The following BAZ2A variants were observed in gnomAD, a reference collection of about 807,000 sequenced individuals.
The protein encoded by BAZ2A is bromodomain adjacent to zinc finger domain protein 2A.
In BAZ2A, 34 loss-of-function variants were observed where a neutral mutation model predicts 199.9. The ratio of observed to expected loss-of-function variants is 0.17; its 90% confidence interval spans 0.13 to 0.23. The LOEUF is 0.23. Ranked by LOEUF, BAZ2A falls within the 10% of genes least tolerant of loss-of-function variation. BAZ2A has a pLI of 1.00. For synonymous variants in BAZ2A, 857 were observed against 883.9 expected (o/e 0.97, Z 0.54); for missense variants, 2,002 against 2,391.1 (o/e 0.84, Z 3.39).
At chr12:56,607,441 G>A (rs552489829) in intron 10 of BAZ2A, among the ~76,000 whole-genome samples, 2 of 152,058 alleles carry the variant, frequency 1.3e-5, no homozygotes, top group East Asian at 3.9e-4. Context: ...GCACAATCTC[G>A]GCTCACTGCA....
At chr12:56,636,524 A>AG (rs1226433357), upstream of BAZ2A, 3 of 425,386 alleles carry the variant, frequency 7.1e-6, no homozygotes, top group Non-Finnish European at 1.1e-5. Flanking sequence ...AGGCCGGCAA[A>AG]GGGGGAAGGA....
chr12:56,604,717 A>G lies in BAZ2A; in HGVS notation c.2831T>C (p.Met944Thr), dbSNP rs1215198245. The change falls in exon 15 of 29, where the codon ATG (methionine) becomes ACG (threonine). Residue 944 changes from methionine to threonine, a missense_variant. Coordinates refer to ENST00000549884, the MANE Select transcript of BAZ2A (RefSeq NM_001300905.2). ...NVSEILRCFL[M>T]AYGVEPALCD... ...GAGGGCTGGCTCTACTCCATATGCC[A>G]TAAGGAAGCAGCGCAGGATCTCTGA... 1.9e-6 allele frequency: 3 copies of G among 1,613,872 alleles called. No individual in the cohort carries two copies. Among genetic ancestry groups the G allele is most frequent in the Non-Finnish European group, 1.7e-6 (2 of 1,179,848 alleles).
In BAZ2A at chr12:56,615,436, C is replaced by T. The variant is rs763046690; in HGVS notation, c.308G>A (p.Ser103Asn). 4 of 1,612,874 alleles carry T rather than the reference C, an allele frequency of 2.5e-6. No individual in the cohort carries two copies. The South Asian group carries it at 3.3e-5, about 13-fold the overall frequency. The change falls in exon 3 of 29, where the codon AGC (serine) becomes AAC (asparagine). Residue 103 changes from serine (S) to asparagine (N), a missense_variant. Ser to Asn is a conservative substitution (Grantham distance 46). Coordinates refer to ENST00000549884, the MANE Select transcript of BAZ2A (RefSeq NM_001300905.2). ...YSQYPSANPG[S>N]NLKDPPLLSQ... Reference sequence around the variant, plus strand: ...GAGAAGGGGTGGGTCCTTGAGGTTGCTGCCAGGATTGGCAGATGGGTACTG... The same window carrying T: ...GAGAAGGGGTGGGTCCTTGAGGTTGTTGCCAGGATTGGCAGATGGGTACTG...
chr12:56,602,607 G>A (rs1221301068), intron 19 of BAZ2A, 106 bp downstream of exon 19: 16 of 1,416,928 alleles, frequency 1.1e-5, no homozygotes, highest in African/African-American at 1.4e-5. Context: ...TAACCATTAC[G>A]CTATATTATC....
rs774094443 is a variant in BAZ2A, at chr12:56,602,863, TA to T, written c.3280-7del. On this transcript the variant is annotated splice_polypyrimidine_tract_variant and splice_region_variant and intron_variant, in intron 18 of 28. Coordinates refer to ENST00000549884, the MANE Select transcript of BAZ2A (RefSeq NM_001300905.2). Reference sequence around the variant, plus strand: ...TTGCGAAAGAAAAGCTGACGCTGGGTAGACAATGAAAATGAAGATGAATAAA... The same window carrying T: ...TTGCGAAAGAAAAGCTGACGCTGGGTGACAATGAAAATGAAGATGAATAAA... 101 of 1,605,906 alleles carry T rather than the reference TA, an allele frequency of 6.3e-5. No individual in the cohort carries two copies. Among genetic ancestry groups the T allele is most frequent in the Admixed American group, 2.4e-4 (14 of 59,006 alleles).
intron 18 of BAZ2A, among the ~76,000 whole-genome samples, chr12:56,603,076 G>C (rs183298210): frequency 7.9e-5 from 12 of 152,304 alleles, no homozygotes; most frequent in African/African-American, 2.9e-4. Context: ...TAGAGCCCAG[G>C]AGTTCAGAAC....
At chr12:56,635,036 G>C (rs1279545749), upstream of BAZ2A, 3 of 984,878 alleles carry the variant, frequency 3.0e-6, no homozygotes, top group Non-Finnish European at 3.6e-6. This position sits in a 1 kb window ranked among gnomAD's most constrained non-coding sequence, Gnocchi z 4.1. Flanking sequence ...CCCCAGCCCT[G>C]GGCCGGCGGC....
chr12:56,638,065 T>A, upstream of BAZ2A: 4 of 363,314 alleles, frequency 1.1e-5, no homozygotes, highest in South Asian at 4.7e-5. Context: ...AGCCCAGGAG[T>A]TAGAGACCAG....
chr12:56,605,246 G>A lies in BAZ2A; in HGVS notation c.2575C>T (p.Leu859=). 6.2e-7 allele frequency: 1 copy of A among 1,613,852 alleles called. No homozygotes were observed. The highest frequency in any genetic ancestry group is 8.5e-7 in the Non-Finnish European group (1 of 1,179,858). The part of the protein sequence containing the change: ...FSDCLTIVEF[L]HSFGKVLGFD... Reference sequence around the variant, plus strand: ...CCCAGCACCTTGCCAAAGCTATGCAGGAACTCCACAATGGTCAAGCAGTCT... The same window carrying A: ...CCCAGCACCTTGCCAAAGCTATGCAAGAACTCCACAATGGTCAAGCAGTCT... Residue 859 remains leucine (L), a synonymous_variant, in exon 14 of 29, where the codon CTG becomes TTG. Transcript: ENST00000549884.
In BAZ2A at chr12:56,602,006, TTAAGA is replaced by T; in HGVS notation, c.3606_3610del (p.His1202GlnfsTer19). On this transcript the variant is annotated frameshift_variant, in exon 20 of 29. Coordinates refer to ENST00000549884, the MANE Select transcript of BAZ2A (RefSeq NM_001300905.2). LOFTEE classifies it high-confidence loss of function. ...TGAATCCTGACCCCTGACAGGGGACTTAAGATGCCTAGGTTGCATAGACCCGGGCT... is the reference window on the plus strand; with the variant it reads ...TGAATCCTGACCCCTGACAGGGGACTTGCCTAGGTTGCATAGACCCGGGCT... The T allele has an allele frequency of 6.4e-7, 1 of 1,554,950 alleles. No homozygotes were observed. The highest frequency in any genetic ancestry group is 8.7e-7 in the Non-Finnish European group (1 of 1,148,644).
intron 1 of BAZ2A, among the ~76,000 whole-genome samples, chr12:56,628,889 T>C (rs959036714): frequency 9.2e-5 from 14 of 152,272 alleles, no homozygotes; most frequent in Non-Finnish European, 1.9e-4. Context: ...CGCTGGTAGA[T>C]AACTGAGTTT....
At chr12:56,610,546 C>T in intron 7 of BAZ2A, 29 bp from the exon 8 acceptor site, 4 of 1,588,272 alleles carry the variant, frequency 2.5e-6, no homozygotes, top group Non-Finnish European at 3.4e-6. Flanking sequence ...GGCCCTGCCG[C>T]CAGGTCACAC....
rs759905448 is a variant in BAZ2A, at chr12:56,612,084, G to A, written c.1298C>T (p.Pro433Leu). 1 of 1,613,816 alleles carries A rather than the reference G, an allele frequency of 6.2e-7. No individual in the cohort carries two copies. Among genetic ancestry groups the A allele is most frequent in the Admixed American group, 1.7e-5 (1 of 59,974 alleles). The change falls in exon 6 of 29, where the codon CCA becomes CTA. Residue 433 changes from proline (P) to leucine (L), a missense_variant. Pro to Leu is a moderately conservative substitution (Grantham distance 98). This residue lies in a region of BAZ2A where 641 missense variants were observed against 694.5 expected (regional missense o/e 0.92). Transcript: ENST00000549884. The stretch of plus-strand genomic sequence containing the variant: ...TGGAGAAACCACTAGGGAGACTGCT[G>A]GGGAGGTTGTTGGCGAGACTGCTGG... ...TSPAVSPTTS[P>L]AVSLVVSPAA...
At position 56,598,600 on chromosome 12, in the gene BAZ2A, C is replaced by G; in HGVS notation, c.*18G>C. On this transcript the variant is annotated 3_prime_UTR_variant, in exon 29 of 29. Transcript: ENST00000549884. ...GGTGGGGGGAGATGCCACAAGGTGA[C>G]TCCCCACCTCCCTTGCCTCACAGAT... 1 of 1,610,478 alleles carries G rather than the reference C, an allele frequency of 6.2e-7. No individual in the cohort carries two copies. Among genetic ancestry groups the G allele is most frequent in the Non-Finnish European group, 8.5e-7 (1 of 1,178,722 alleles).
In BAZ2A at chr12:56,595,898, G is replaced by T. The variant is rs1028530514; in HGVS notation, c.*2720C>A. ...ACGCCGTCTCCCCCTCAGGTGTGTA[G>T]AAGGGAAGATGAATACACAGAGTCT... On this transcript the variant is annotated 3_prime_UTR_variant, in exon 29 of 29. Coordinates refer to ENST00000549884, the MANE Select transcript of BAZ2A (RefSeq NM_001300905.2). 1.3e-4 allele frequency: 14 copies of T among 110,436 alleles called. No homozygotes were observed. The highest frequency in any genetic ancestry group is 4.5e-4 in the African/African-American group (14 of 31,298). 6.8% of individuals were successfully genotyped at this position (110,436 alleles called of 1,614,324 possible).
At position 56,604,242 on chromosome 12, in the gene BAZ2A, A is replaced by C. The variant is rs758684151; in HGVS notation, c.3013T>G (p.Trp1005Gly). 6.2e-7 allele frequency: 1 copy of C among 1,607,992 alleles called. No individual in the cohort carries two copies. Among genetic ancestry groups the C allele is most frequent in the Non-Finnish European group, 8.5e-7 (1 of 1,177,138 alleles). ...CTCCGGAGCCGGCCTTCAACAATCCACTTGTTTTTCCTGTAGCTGGACATA... is the reference window on the plus strand; with the variant it reads ...CTCCGGAGCCGGCCTTCAACAATCCCCTTGTTTTTCCTGTAGCTGGACATA... ...ESMSSYRKNK[W>G]IVEGRLRRLK... The change falls in exon 16 of 29, where the codon TGG becomes GGG. Residue 1005 changes from tryptophan (W) to glycine (G), a missense_variant. Physicochemically the swap from Trp to Gly is radical, Grantham distance 184. This residue lies in a region of BAZ2A where 1,081 missense variants were observed against 1,274.7 expected (regional missense o/e 0.85). Coordinates refer to ENST00000549884, the MANE Select transcript of BAZ2A (RefSeq NM_001300905.2).
In BAZ2A at chr12:56,600,249, G is replaced by T. The variant is rs745341597; in HGVS notation, c.4844C>A (p.Ala1615Asp). Residue 1615 changes from alanine to aspartate, a missense_variant, in exon 24 of 29, where the codon GCC becomes GAC. Ala to Asp is a moderately radical substitution (Grantham distance 126). Coordinates refer to ENST00000549884, the MANE Select transcript of BAZ2A (RefSeq NM_001300905.2). ...GGCACCATTAGGTGTGCTAAGCAGGGCCTTCTCCAGCACAACCTCATGAGT... is the reference window on the plus strand; with the variant it reads ...GGCACCATTAGGTGTGCTAAGCAGGTCCTTCTCCAGCACAACCTCATGAGT... ...WPTHEVVLEKALLSTPNGAPE... is the reference protein window; with the variant it reads ...WPTHEVVLEKDLLSTPNGAPE... 2.5e-6 allele frequency: 4 copies of T among 1,613,946 alleles called. 1 individual carries two copies. In the South Asian group the frequency reaches 4.4e-5, roughly 18 times the overall value.
chr12:56,635,159 T>C, upstream of BAZ2A: 1 of 494,004 alleles, frequency 2.0e-6, no homozygotes, highest in Non-Finnish European at 2.6e-6. This position sits in a 1 kb window ranked among gnomAD's most constrained non-coding sequence, Gnocchi z 4.1. Flanking sequence ...GGGTGGCGTC[T>C]CCTAGGGGCC....
In BAZ2A at chr12:56,601,704, C is replaced by T. The variant is rs368501623; in HGVS notation, c.3913G>A (p.Glu1305Lys). 2 of 1,613,994 alleles carry T rather than the reference C, an allele frequency of 1.2e-6. No individual in the cohort carries two copies. Among genetic ancestry groups the T allele is most frequent in the Non-Finnish European group, 1.7e-6 (2 of 1,179,882 alleles). Reference sequence around the variant, plus strand: ...GATTCTGCCTCATCAGGCTCTGGCTCCTCCGGGGGTTGTGATGGAGCTGGG... The same window carrying T: ...GATTCTGCCTCATCAGGCTCTGGCTTCTCCGGGGGTTGTGATGGAGCTGGG... ...LDPAPSQPPEEPEPDEAESSP... is the reference protein window; with the variant it reads ...LDPAPSQPPEKPEPDEAESSP... Residue 1305 changes from glutamate to lysine, a missense_variant, in exon 20 of 29, where the codon GAG (glutamate) becomes AAG (lysine). By Grantham distance (56) the Glu-to-Lys change is moderately conservative. Around this residue, in one of 6 missense-constraint regions of BAZ2A, gnomAD observed 1,081 missense variants for 1,274.7 expected, o/e 0.85. Transcript: ENST00000549884.
Sources: allele counts gnomAD v4.1 joint callset (sites outside exome capture counted in the v4.1 genomes callset), GRCh38; gene constraint gnomAD v4.1.1; regional missense constraint gnomAD v4.1.1; non-coding constraint Gnocchi (gnomAD v3.1); transcripts MANE v1.5; gene names NCBI Gene and HGNC (gene_info 2026-07-23, HGNC 2026-07-21).